ROBO1: variants seen among roughly 807,000 people sequenced by gnomAD.
The protein encoded by ROBO1 is roundabout homolog 1.
In ROBO1, 149 loss-of-function variants were observed where a neutral mutation model predicts 195.9. The observed-to-expected ratio is 0.76, with a 90% CI of 0.67 to 0.87. The LOEUF (loss-of-function observed/expected upper bound fraction) is 0.87, where lower values mean the gene tolerates loss of function less well. ROBO1 is among the 40% of genes least tolerant of loss of function. ROBO1 has a pLI of 0.00. For synonymous variants in ROBO1, 816 were observed against 733.2 expected (o/e 1.11, Z -1.82); for missense variants, 1,933 against 2,068.3 (o/e 0.93, Z 1.27).
At chr3:79,521,736 C>A (rs1406262063) in intron 2 of ROBO1, among the ~76,000 whole-genome samples, 2 of 152,018 alleles carry the variant, frequency 1.3e-5, no homozygotes, top group African/African-American at 4.8e-5. Context: ...GTCACCACCC[C>A]CCACCCACAC....
chr3:79,238,769 G>A (rs2082458905), intron 2 of ROBO1, among the ~76,000 whole-genome samples: 1 of 152,076 alleles, frequency 6.6e-6, no homozygotes, highest in Non-Finnish European at 1.5e-5. Context: ...TGACTTCCAA[G>A]TCTCATTAAT....
At chr3:79,507,288 A>T (rs1940451531) in intron 2 of ROBO1, among the ~76,000 whole-genome samples, 1 of 152,178 alleles carries the variant, frequency 6.6e-6, no homozygotes, top group Admixed American at 6.5e-5. Context: ...GTGTCTACAC[A>T]CTCTGAGAAC....
rs35691197 is a variant in ROBO1 at position 78,597,950 on chromosome 3, CAA to C, written c.*961_*962del. On this transcript the variant is annotated 3_prime_UTR_variant, in exon 31 of 31. Coordinates refer to ENST00000464233, the MANE Select transcript of ROBO1 (RefSeq NM_002941.4). ...AGTTTAGTGATTGTGCTTTTAAAAC[CAA>C]AAAAAAAAAAAAAAAGAGAGAGAGA... is the stretch of plus-strand genomic sequence containing the variant. The C allele has an allele frequency of 8.2e-3, 899 of 109,462 alleles. 3 individuals carry two copies. The highest frequency in any genetic ancestry group is 0.023 in the African/African-American group (729 of 31,664). 6.8% of individuals were successfully genotyped at this position (109,462 alleles called of 1,614,324 possible). A position where few individuals can be genotyped will look rare whatever the true frequency, so the allele number is the denominator to read the frequency against.
chr3:78,893,676 G>C (rs1439807199), intron 4 of ROBO1, among the ~76,000 whole-genome samples: 2 of 151,956 alleles, frequency 1.3e-5, no homozygotes, highest in African/African-American at 4.8e-5. Flanking sequence ...TTAAAACAAT[G>C]CACTTGTATT....
At chr3:78,937,793 A>C (rs918145856) in intron 4 of ROBO1, among the ~76,000 whole-genome samples, 12 of 152,318 alleles carry the variant, frequency 7.9e-5, no homozygotes, top group Non-Finnish European at 1.2e-4. Flanking sequence ...CCAAGAAAAT[A>C]AAATATAAGG....
At chr3:79,423,252 A>G (rs2038306417) in intron 2 of ROBO1, among the ~76,000 whole-genome samples, 1 of 152,154 alleles carries the variant, frequency 6.6e-6, no homozygotes, top group Admixed American at 6.6e-5. Flanking sequence ...GGGTGAGTCA[A>G]CCTCACCTGT....
intron 1 of ROBO1, among the ~76,000 whole-genome samples, chr3:79,766,943 T>C: frequency 6.6e-6 from 1 of 152,122 alleles, no homozygotes; most frequent in East Asian, 1.9e-4. Flanking sequence ...ACCTTTTTCA[T>C]TCATCTGTCT....
At chr3:78,838,442 A>C (rs1168465382) in intron 4 of ROBO1, among the ~76,000 whole-genome samples, 1 of 152,150 alleles carries the variant, frequency 6.6e-6, no homozygotes, top group Non-Finnish European at 1.5e-5. Context: ...CAAAGGAAAA[A>C]AGGGTTTATT....
At chr3:79,311,116 A>T (rs1174944032) in intron 2 of ROBO1, among the ~76,000 whole-genome samples, 2 of 152,182 alleles carry the variant, frequency 1.3e-5, no homozygotes, top group Non-Finnish European at 2.9e-5. Context: ...ATAATGGTTG[A>T]ATTAATACTG....
In ROBO1 at chr3:78,764,741, T is replaced by C. The variant is rs536376858; in HGVS notation, c.500-17841A>G. ...GTTAGTTTACTTTCAGTTTTGAAAA[T>C]TTCAAGCTCAGGAATTTTATTCTCA... On this transcript the variant is annotated intron_variant, in intron 4 of 30. Coordinates refer to ENST00000464233, the MANE Select transcript of ROBO1 (RefSeq NM_002941.4). 2.6e-5 allele frequency among the ~76,000 whole-genome samples: 4 copies of C among 152,286 alleles called. No homozygotes were observed. In the East Asian group the frequency reaches 7.7e-4, roughly 29 times the overall value.
chr3:79,224,657 G>A (rs1025555944), intron 2 of ROBO1, among the ~76,000 whole-genome samples: 1 of 152,108 alleles, frequency 6.6e-6, no homozygotes. Context: ...TTCATTGATC[G>A]AGATATTTTT....
At chr3:79,406,687 T>A (rs183346884) in intron 2 of ROBO1, among the ~76,000 whole-genome samples, 2 of 151,976 alleles carry the variant, frequency 1.3e-5, no homozygotes, top group Non-Finnish European at 2.9e-5. Context: ...CCTGGAAAGA[T>A]GTTTAGGTTT....
At chr3:79,434,326 G>A (rs2038799635) in intron 2 of ROBO1, among the ~76,000 whole-genome samples, 1 of 152,092 alleles carries the variant, frequency 6.6e-6, no homozygotes, top group Non-Finnish European at 1.5e-5. Context: ...ATCTGACAAA[G>A]GGCTAATATC....
At chr3:79,204,025 G>T (rs2081817632) in intron 2 of ROBO1, among the ~76,000 whole-genome samples, 2 of 152,058 alleles carry the variant, frequency 1.3e-5, no homozygotes, top group African/African-American at 4.8e-5. Flanking sequence ...AGAAATATTT[G>T]TTATGGATTT....
chr3:79,228,879 G>GA (rs1206509504), intron 2 of ROBO1, among the ~76,000 whole-genome samples: 4 of 151,502 alleles, frequency 2.6e-5, no homozygotes, highest in Non-Finnish European at 5.9e-5. Context: ...TTCATTTTCA[G>GA]AAAAAAAATC....
intron 2 of ROBO1, among the ~76,000 whole-genome samples, chr3:79,343,631 T>C (rs371780018): frequency 6.6e-6 from 1 of 152,138 alleles, no homozygotes; most frequent in African/African-American, 2.4e-5. Context: ...ACCGCACTAC[T>C]GATGACAGCT....
intron 2 of ROBO1, among the ~76,000 whole-genome samples, chr3:79,135,044 A>G (rs1418830131): frequency 1.4e-5 from 1 of 72,216 alleles, no homozygotes; most frequent in Non-Finnish European, 3.0e-5. Flanking sequence ...ATAATAAAAA[A>G]AAACATTAAA....
chr3:78,843,159 C>T (rs894113953), intron 4 of ROBO1, among the ~76,000 whole-genome samples: 15 of 151,824 alleles, frequency 9.9e-5, no homozygotes, highest in African/African-American at 3.4e-4. Context: ...TGGGGGTTTC[C>T]TGTGGAGGAG....
At chr3:78,852,680 T>C (rs1267897435) in intron 4 of ROBO1, among the ~76,000 whole-genome samples, 2 of 152,158 alleles carry the variant, frequency 1.3e-5, no homozygotes, top group African/African-American at 4.8e-5. Context: ...TGAAAGACTT[T>C]GGGTAACAGG....
Sources: allele counts gnomAD v4.1 joint callset (sites outside exome capture counted in the v4.1 genomes callset), GRCh38; gene constraint gnomAD v4.1.1; transcripts MANE v1.5; gene names NCBI Gene and HGNC (gene_info 2026-07-23, HGNC 2026-07-21).